The following CTSB variants were observed in gnomAD, a reference collection of about 807,000 sequenced individuals.
The protein encoded by CTSB is APP secretase.
A neutral mutation model predicts 44.3 loss-of-function variants in CTSB; 57 were observed. That is an observed-to-expected ratio of 1.29 (90% CI 1.04 to 1.60). CTSB has a LOEUF of 1.60. Among genes scored for constraint, CTSB ranks in the 40% most tolerant of loss-of-function variants. The probability of loss-of-function intolerance (pLI) is 0.00; values close to 1 mark genes in which losing one functional copy is unlikely to be tolerated. For synonymous variants in CTSB, 320 were observed against 168.0 expected (o/e 1.91, Z -7.00); for missense variants, 768 against 443.0 (o/e 1.73, Z -6.59).
chr8:11,852,833 G>C, intron 2 of CTSB, 138 bp from the exon 3 acceptor site: 5 of 722,678 alleles, frequency 6.9e-6, no homozygotes, highest in Non-Finnish European at 1.2e-5. Context: ...GGGGCACTGG[G>C]GAACAGCCCA....
chr8:11,847,189 G>A (rs368086362), intron 7 of CTSB, 21 bp from the exon 8 acceptor site: 51 of 1,535,424 alleles, frequency 3.3e-5, no homozygotes, highest in East Asian at 1.4e-4. Context: ...AACCGAGCTC[G>A]GGGTTGGGGA....
intron 1 of CTSB, among the ~76,000 whole-genome samples, chr8:11,857,592 G>A (rs1815711857): frequency 6.6e-6 from 1 of 152,170 alleles, no homozygotes; most frequent in South Asian, 2.1e-4. Context: ...TGAGAACACA[G>A]GCAGCTGCCA....
At chr8:11,857,378 C>T (rs556010516) in intron 1 of CTSB, among the ~76,000 whole-genome samples, 1 of 152,090 alleles carries the variant, frequency 6.6e-6, no homozygotes, top group African/African-American at 2.4e-5. Flanking sequence ...CAGCGTCTCA[C>T]GTGGCCATGC....
rs746924642 is a variant in CTSB at position 11,847,182 on chromosome 8, C to A, written c.677-14G>T. ...AGGAATTGTATCCTGGAAAATGAAC[C>A]GAGCTCGGGGTTGGGGAGGGCAGTG... On this transcript the variant is annotated splice_polypyrimidine_tract_variant and intron_variant, in intron 7 of 9. Transcript: ENST00000353047. 8.3e-6 allele frequency: 13 copies of A among 1,567,656 alleles called. No homozygotes were observed. The highest frequency in any genetic ancestry group is 2.2e-5 in the East Asian group (1 of 44,478).
intron 1 of CTSB, among the ~76,000 whole-genome samples, chr8:11,864,056 C>G (rs964320832): frequency 6.6e-6 from 1 of 152,058 alleles, no homozygotes; most frequent in Admixed American, 6.6e-5. Flanking sequence ...CACAAATGGA[C>G]TAGAACTGGA....
chr8:11,855,115 TG>T (rs1473091197), intron 1 of CTSB, among the ~76,000 whole-genome samples: 1 of 152,190 alleles, frequency 6.6e-6, no homozygotes, highest in Non-Finnish European at 1.5e-5. Context: ...CTCTGCCTCC[TG>T]GGTTCAAGCT....
intron 9 of CTSB, 92 bp downstream of exon 9, chr8:11,845,569 G>C (rs756229832): frequency 6.8e-7 from 1 of 1,478,774 alleles, no homozygotes; most frequent in South Asian, 1.3e-5. Flanking sequence ...AGGGTTTAAG[G>C]CTGTGCGGTG....
intron 2 of CTSB, among the ~76,000 whole-genome samples, chr8:11,853,034 CAG>C (rs963253693): frequency 2.0e-5 from 3 of 152,278 alleles, no homozygotes; most frequent in Non-Finnish European, 2.9e-5. Flanking sequence ...GCGGGCGTCA[CAG>C]GGGCTAGCTG....
intron 1 of CTSB, among the ~76,000 whole-genome samples, chr8:11,857,242 T>G (rs1815659757): frequency 6.6e-6 from 1 of 152,196 alleles, no homozygotes; most frequent in Admixed American, 6.5e-5. Flanking sequence ...GGTCTTGAAC[T>G]CCTGGCTTCA....
At chr8:11,852,795 C>G in intron 2 of CTSB, 100 bp from the exon 3 acceptor site, 1 of 1,051,944 alleles carries the variant, frequency 9.5e-7, no homozygotes, top group East Asian at 2.5e-5. Flanking sequence ...ACCAGAGACC[C>G]TACCCAATTC....
chr8:11,855,743 C>A (rs1335618191), intron 1 of CTSB, among the ~76,000 whole-genome samples: 1 of 152,016 alleles, frequency 6.6e-6, no homozygotes, highest in African/African-American at 2.4e-5. Flanking sequence ...GTTCAACCGG[C>A]ATGGTGGCTC....
Position 11,844,990 on chromosome 8 carries a change from A to C in CTSB, c.*135T>G. ...TGTAGCCAGGACTTGGTCTCCTTGGAAGACAGGTCTGATGTTTGGCCAATC... is the reference window on the plus strand; with the variant it reads ...TGTAGCCAGGACTTGGTCTCCTTGGCAGACAGGTCTGATGTTTGGCCAATC... On this transcript the variant is annotated 3_prime_UTR_variant, in exon 10 of 10. Coordinates refer to ENST00000353047, the MANE Select transcript of CTSB (RefSeq NM_001908.5). 6.1e-6 allele frequency: 4 copies of C among 654,080 alleles called. No individual in the cohort carries two copies. The highest frequency in any genetic ancestry group is 5.4e-6 in the Non-Finnish European group (2 of 369,086). 40.5% of individuals were successfully genotyped at this position (654,080 alleles called of 1,614,324 possible). A position where few individuals can be genotyped will look rare whatever the true frequency, so the allele number is the denominator to read the frequency against.
rs1030989463 is a variant in CTSB, at chr8:11,853,472, A to T, written c.-18T>A. Reference sequence around the variant, plus strand: ...TGCCACATGTTGGAAGCCGGATCCTAGATCCACCTGGAGAGGACAGAGGGC... The same window carrying T: ...TGCCACATGTTGGAAGCCGGATCCTTGATCCACCTGGAGAGGACAGAGGGC... On this transcript the variant is annotated 5_prime_UTR_variant, in exon 2 of 10. Coordinates refer to ENST00000353047, the MANE Select transcript of CTSB (RefSeq NM_001908.5). 1.2e-6 allele frequency: 2 copies of T among 1,609,702 alleles called. No individual in the cohort carries two copies. Among genetic ancestry groups the T allele is most frequent in the Non-Finnish European group, 1.7e-6 (2 of 1,179,004 alleles).
chr8:11,850,419 C>CAAAAAAAAAAAAAAAAAAAAAAAAA (rs61067792), intron 4 of CTSB, among the ~76,000 whole-genome samples: 1 of 53,788 alleles, frequency 1.9e-5, no homozygotes, highest in African/African-American at 7.8e-5. Flanking sequence ...ACTCCATCTC[C>CAAAAAAAAAAAAAAAAAAAAAAAAA]AAAAAAAAAA....
chr8:11,858,253 T>C (rs1360021751), intron 1 of CTSB, among the ~76,000 whole-genome samples: 1 of 152,180 alleles, frequency 6.6e-6, no homozygotes, highest in Non-Finnish European at 1.5e-5. Context: ...CCTATTCCAA[T>C]AGGTCCCCAA....
At chr8:11,862,875 G>A (rs564186241) in intron 1 of CTSB, among the ~76,000 whole-genome samples, 2 of 152,286 alleles carry the variant, frequency 1.3e-5, no homozygotes, top group South Asian at 2.1e-4. Context: ...TGGCCACATT[G>A]GGCCCATCCT....
At chr8:11,863,853 G>A (rs748150608) in intron 1 of CTSB, among the ~76,000 whole-genome samples, 2 of 152,124 alleles carry the variant, frequency 1.3e-5, no homozygotes, top group African/African-American at 2.4e-5. Flanking sequence ...CCACACTGGA[G>A]AACCCTTTGC....
At chr8:11,846,546 G>A (rs940861788) in intron 8 of CTSB, among the ~76,000 whole-genome samples, 7 of 152,202 alleles carry the variant, frequency 4.6e-5, no homozygotes, top group African/African-American at 1.4e-4. Flanking sequence ...CTTGGTTGGA[G>A]TCCCTATGGC....
Position 11,845,752 on chromosome 8 carries a change from GCCAC to G in CTSB, c.827_830del (p.Gly276AlafsTer86). 1 of 1,613,994 alleles carries G rather than the reference GCCAC, an allele frequency of 6.2e-7. No individual in the cohort carries two copies. Among genetic ancestry groups the G allele is most frequent in the Non-Finnish European group, 8.5e-7 (1 of 1,179,920 alleles). On this transcript the variant is annotated frameshift_variant, in exon 9 of 10. Coordinates refer to ENST00000353047, the MANE Select transcript of CTSB (RefSeq NM_001908.5). LOFTEE classifies it high-confidence loss of function. ...CCCAGCCCAGGATGCGGATGGCATG[GCCAC>G]CCATCATCTCTCCGGTGACGTGTTG...
Sources: gnomAD v4.1 joint callset for allele counts (sites outside exome capture counted in the v4.1 genomes callset) on GRCh38, gnomAD v4.1.1 for gene constraint, MANE v1.5 for transcripts, NCBI Gene and HGNC (gene_info 2026-07-23, HGNC 2026-07-21) for gene names.